POU2F2: variants seen among roughly 807,000 people sequenced by gnomAD.
POU2F2 encodes the protein POU class 2 homeobox 2.
In POU2F2, 14 loss-of-function variants were observed where a neutral mutation model predicts 63.5. The ratio of observed to expected loss-of-function variants is 0.22; its 90% confidence interval spans 0.15 to 0.34. The LOEUF is 0.34. Among genes scored for constraint, POU2F2 ranks in the 10% least tolerant of loss-of-function variants. The pLI is 1.00. For missense variants in POU2F2, 607 were observed against 815.2 expected (o/e 0.74, Z 3.11); for synonymous variants, 306 against 348.6 (o/e 0.88, Z 1.36).
At chr19:42,150,143 G>A (rs1336973698) in intron 2 of POU2F2, among the ~76,000 whole-genome samples, 2 of 151,926 alleles carry the variant, frequency 1.3e-5, no homozygotes, top group Non-Finnish European at 2.9e-5. Context: ...TCAACCTGTG[G>A]CCATCGTCTC....
intron 2 of POU2F2, among the ~76,000 whole-genome samples, chr19:42,150,995 G>A (rs2034336267): frequency 6.6e-6 from 1 of 152,160 alleles, no homozygotes; most frequent in African/African-American, 2.4e-5. Context: ...CAACCTCAGA[G>A]TACCCACACA....
intron 5 of POU2F2, among the ~76,000 whole-genome samples, chr19:42,102,646 AG>A (rs2077188643): frequency 6.6e-6 from 1 of 151,972 alleles, no homozygotes; most frequent in African/African-American, 2.4e-5. Context: ...AGTAAAATAA[AG>A]GGAAAAAAGG....
rs1568968697 is a variant in POU2F2 at position 42,091,672 on chromosome 19, GC to G, written c.1541-82del. 3.9e-6 allele frequency: 6 copies of G among 1,550,740 alleles called. No individual in the cohort carries two copies. In the South Asian group the frequency reaches 6.0e-5, roughly 15 times the overall value. On this transcript the variant is annotated intron_variant, in intron 14 of 14. Coordinates refer to ENST00000692977, the MANE Select transcript of POU2F2 (RefSeq NM_001394376.1). ...TGCCTTCCAGCATCCTGCCCAGAGT[GC>G]CCCCCATCTCCCCATCGGTCCCACT...
intron 1 of POU2F2, among the ~76,000 whole-genome samples, chr19:42,193,253 C>G (rs2035094402): frequency 6.6e-6 from 1 of 151,266 alleles, no homozygotes; most frequent in Non-Finnish European, 1.5e-5. Flanking sequence ...AGAAAAATTT[C>G]CTGCGAAAGA....
intron 5 of POU2F2, among the ~76,000 whole-genome samples, chr19:42,113,858 G>C (rs2031484606): frequency 6.6e-6 from 1 of 152,168 alleles, no homozygotes; most frequent in African/African-American, 2.4e-5. Flanking sequence ...CTAGGAGCCG[G>C]GGAAGGCTGG....
chr19:42,191,640 G>A (rs748788366), intron 1 of POU2F2, among the ~76,000 whole-genome samples: 8 of 152,220 alleles, frequency 5.3e-5, no homozygotes, highest in Non-Finnish European at 8.8e-5. Flanking sequence ...GCTGGGCAAG[G>A]AAGGGAGAGA....
At chr19:42,154,762 T>TCACA (rs144313465) in intron 2 of POU2F2, among the ~76,000 whole-genome samples, 231 of 150,040 alleles carry the variant, frequency 1.5e-3, no homozygotes, top group East Asian at 5.5e-3. Flanking sequence ...GTGATGTCTC[T>TCACA]CACACACACA....
rs956266258 is a variant in POU2F2, at chr19:42,155,015, A to C, written c.-9+5317T>G. Among the ~76,000 whole-genome samples, 6 of 152,114 alleles carry C rather than the reference A, an allele frequency of 3.9e-5. No individual in the cohort carries two copies. The highest frequency in any genetic ancestry group is 8.8e-5 in the Non-Finnish European group (6 of 68,002). On this transcript the variant is annotated intron_variant, in intron 2 of 6. Transcript: ENST00000524801. This position sits in a 1 kb window ranked among gnomAD's most constrained non-coding sequence, Gnocchi z 4.2. ...CTCACCCTCCACACACAGTCCACACACACCAGGGCCTTGGCCAATTTCCTC... is the reference window on the plus strand; with the variant it reads ...CTCACCCTCCACACACAGTCCACACCCACCAGGGCCTTGGCCAATTTCCTC...
At chr19:42,106,044 TTTCTTTC>T (rs1456336660) in intron 5 of POU2F2, among the ~76,000 whole-genome samples, 6 of 147,498 alleles carry the variant, frequency 4.1e-5, no homozygotes, top group South Asian at 2.1e-4. Flanking sequence ...TCTTTCTTTC[TTTCTTTC>T]TTCTTTCTTT....
At chr19:42,105,799 C>T (rs1256596133) in intron 5 of POU2F2, among the ~76,000 whole-genome samples, 1 of 152,182 alleles carries the variant, frequency 6.6e-6, no homozygotes, top group Non-Finnish European at 1.5e-5. Context: ...TTCCTGTCCA[C>T]AGTGACTGTC....
upstream of POU2F2, among the ~76,000 whole-genome samples, chr19:42,134,046 A>G (rs1190813019): frequency 6.6e-6 from 1 of 152,236 alleles, no homozygotes; most frequent in Non-Finnish European, 1.5e-5. Flanking sequence ...GGAGATCCAC[A>G]GACCACACAG....
chr19:42,089,121 G>A lies in POU2F2; in HGVS notation c.*2136C>T, dbSNP rs927282669. Reference sequence around the variant, plus strand: ...GCAGGGGCCACACTACGGCTGTCAGGCCCCACCCTGATTTCAATGGCTCGT... The same window carrying A: ...GCAGGGGCCACACTACGGCTGTCAGACCCCACCCTGATTTCAATGGCTCGT... On this transcript the variant is annotated 3_prime_UTR_variant, in exon 15 of 15. Transcript: ENST00000692977. 2.0e-5 allele frequency: 3 copies of A among 152,818 alleles called. No homozygotes were observed. The East Asian group carries it at 5.8e-4, about 30-fold the overall frequency. 9.5% of individuals were successfully genotyped at this position (152,818 alleles called of 1,614,324 possible). A position where few individuals can be genotyped will look rare whatever the true frequency, so the allele number is the denominator to read the frequency against.
At chr19:42,142,151 G>A (rs1337689601) in intron 2 of POU2F2, among the ~76,000 whole-genome samples, 1 of 152,188 alleles carries the variant, frequency 6.6e-6, no homozygotes, top group Non-Finnish European at 1.5e-5. Context: ...TGGTCTGGAA[G>A]GTAACTAATT....
chr19:42,140,796 C>A (rs930569607), intron 2 of POU2F2, among the ~76,000 whole-genome samples: 1 of 152,218 alleles, frequency 6.6e-6, no homozygotes, highest in African/African-American at 2.4e-5. Flanking sequence ...CAGTGCCTGG[C>A]ATATAGTTGA....
At chr19:42,123,042 T>C (rs1367518194) in intron 1 of POU2F2, 1 of 154,184 alleles carries the variant, frequency 6.5e-6, no homozygotes, top group African/African-American at 2.4e-5. Context: ...AGAGATGTGA[T>C]GGGGCTGCAG....
chr19:42,167,225 C>T (rs1281722866), intron 1 of POU2F2, among the ~76,000 whole-genome samples: 4 of 152,180 alleles, frequency 2.6e-5, no homozygotes, highest in Admixed American at 1.3e-4. Context: ...GAGGCCGTGG[C>T]GGGCAGATCA....
intron 1 of POU2F2, among the ~76,000 whole-genome samples, chr19:42,167,751 G>T (rs547568785): frequency 6.6e-6 from 1 of 152,160 alleles, no homozygotes. Context: ...GGCAGGTGAG[G>T]GTTGGTCTCA....
intron 1 of POU2F2, among the ~76,000 whole-genome samples, chr19:42,194,514 T>C (rs561738683): frequency 6.6e-6 from 1 of 151,208 alleles, no homozygotes; most frequent in African/African-American, 2.4e-5. Flanking sequence ...ATCCCAGCAC[T>C]TTGGGAGGCC....
At chr19:42,133,970 G>C (rs2033925661), upstream of POU2F2, among the ~76,000 whole-genome samples, 1 of 150,558 alleles carries the variant, frequency 6.6e-6, no homozygotes. The surrounding 1 kb of genome is among the most constrained non-coding windows in gnomAD (Gnocchi z 5.1). Context: ...ATATGCACAC[G>C]AGAGGTGACC....
Sources: allele counts gnomAD v4.1 joint callset (sites outside exome capture counted in the v4.1 genomes callset), GRCh38; gene constraint gnomAD v4.1.1; non-coding constraint Gnocchi (gnomAD v3.1); transcripts MANE v1.5; gene names NCBI Gene and HGNC (gene_info 2026-07-23, HGNC 2026-07-21).